AKAP12: variants seen among roughly 807,000 people sequenced by gnomAD.
The protein encoded by AKAP12 is A-kinase anchoring protein 12.
In AKAP12, 32 loss-of-function variants were observed where a neutral mutation model predicts 79.9. That is an observed-to-expected ratio of 0.40 (90% CI 0.30 to 0.54). The LOEUF (loss-of-function observed/expected upper bound fraction) is 0.54. Among genes scored for constraint, AKAP12 ranks in the 20% least tolerant of loss-of-function variants. The pLI is 0.48. For missense variants in AKAP12, 2,074 were observed against 2,177.0 expected (o/e 0.95, Z 0.94); for synonymous variants, 808 against 857.0 (o/e 0.94, Z 1.00).
chr6:151,241,866 T>C (rs1051968771), intron 2 of AKAP12, among the ~76,000 whole-genome samples: 2 of 149,934 alleles, frequency 1.3e-5, no homozygotes, highest in Admixed American at 1.3e-4. Context: ...CATGACCTAA[T>C]TGCCTTGACC....
At chr6:151,302,072 G>A (rs1776873973) in intron 2 of AKAP12, among the ~76,000 whole-genome samples, 1 of 148,812 alleles carries the variant, frequency 6.7e-6, no homozygotes, top group South Asian at 2.1e-4. Flanking sequence ...GCTGGAGTGC[G>A]TGATCTCAGC....
Position 151,356,160 on chromosome 6 carries a change from A to G in AKAP12, c.*446A>G, listed in dbSNP as rs1337553929. On this transcript the variant is annotated 3_prime_UTR_variant, in exon 5 of 5. Transcript: ENST00000402676. ...CTACATGCTTTTTGTATCACACAGT[A>G]TATGATGGGGCATGTGCCATAGTGC... The G allele has an allele frequency of 6.6e-6, 1 of 152,652 alleles. No homozygotes were observed. Among genetic ancestry groups the G allele is most frequent in the African/African-American group, 2.4e-5 (1 of 41,442 alleles). 9.5% of individuals were successfully genotyped at this position (152,652 alleles called of 1,614,324 possible). A position where few individuals can be genotyped will look rare whatever the true frequency, so the allele number is the denominator to read the frequency against.
At chr6:151,345,851 C>G (rs1195663136) in intron 3 of AKAP12, among the ~76,000 whole-genome samples, 1 of 146,684 alleles carries the variant, frequency 6.8e-6, no homozygotes, top group Admixed American at 6.8e-5. Context: ...AAATAAATGA[C>G]ATTCGCATCC....
intron 2 of AKAP12, among the ~76,000 whole-genome samples, chr6:151,296,229 C>T (rs1199554922): frequency 6.6e-6 from 1 of 152,178 alleles, no homozygotes; most frequent in Non-Finnish European, 1.5e-5. Context: ...GAGATCACTA[C>T]AATCATGCCC....
At chr6:151,312,940 T>G (rs1451855276) in intron 3 of AKAP12, among the ~76,000 whole-genome samples, 2 of 152,014 alleles carry the variant, frequency 1.3e-5, no homozygotes, top group Non-Finnish European at 1.5e-5. Context: ...GGAACAGAGG[T>G]AGCGCTCAGC....
chr6:151,245,249 G>A (rs897110406), intron 2 of AKAP12, among the ~76,000 whole-genome samples: 3 of 150,750 alleles, frequency 2.0e-5, no homozygotes, highest in Non-Finnish European at 4.4e-5. Context: ...CCATTCATGC[G>A]AAGTTAGAAA....
At position 151,343,058 on chromosome 6, in the gene AKAP12, C is replaced by T. The variant is rs551977880; in HGVS notation, c.320-5653C>T. Among the ~76,000 whole-genome samples, 8 of 152,284 alleles carry T rather than the reference C, an allele frequency of 5.3e-5. No homozygotes were observed. In the East Asian group the frequency reaches 1.2e-3, roughly 22 times the overall value. On this transcript the variant is annotated intron_variant, in intron 3 of 4. Coordinates refer to ENST00000402676, the MANE Select transcript of AKAP12 (RefSeq NM_005100.4). ...GATTACAGGTGTGAGCCATAGTGCC[C>T]GGCCCAATAGCTGTTTTGTTCTGCC...
At chr6:151,340,634 G>A (rs1451767909) in intron 3 of AKAP12, among the ~76,000 whole-genome samples, 2 of 53,898 alleles carry the variant, frequency 3.7e-5, no homozygotes, top group Non-Finnish European at 6.4e-5. Context: ...CCTCATGGGC[G>A]AATGTGATGG....
chr6:151,330,549 A>T (rs1427415256), intron 3 of AKAP12, among the ~76,000 whole-genome samples: 5 of 152,106 alleles, frequency 3.3e-5, no homozygotes, highest in African/African-American at 1.2e-4. Flanking sequence ...AGCCGTCCTG[A>T]TGTGCCTGGG....
At chr6:151,328,244 C>T (rs1279028874) in intron 3 of AKAP12, among the ~76,000 whole-genome samples, 6 of 150,050 alleles carry the variant, frequency 4.0e-5, no homozygotes, top group Admixed American at 2.0e-4. Context: ...AGGAGAATGG[C>T]GTGAACTCGG....
intron 2 of AKAP12, among the ~76,000 whole-genome samples, chr6:151,262,164 T>G (rs1419623228): frequency 6.6e-6 from 1 of 152,116 alleles, no homozygotes; most frequent in Non-Finnish European, 1.5e-5. Flanking sequence ...TTGGTCACAC[T>G]GGTCTCAGGT....
At chr6:151,256,912 G>T (rs1018783033) in intron 2 of AKAP12, among the ~76,000 whole-genome samples, 4 of 146,754 alleles carry the variant, frequency 2.7e-5, no homozygotes, top group Non-Finnish European at 6.0e-5. Context: ...GCCTCCCAAC[G>T]TGTTGGGATT....
chr6:151,336,203 A>G (rs1777809884), intron 3 of AKAP12, among the ~76,000 whole-genome samples: 1 of 152,170 alleles, frequency 6.6e-6, no homozygotes, highest in Non-Finnish European at 1.5e-5. Flanking sequence ...TGACTTTGCT[A>G]GTGTGAATAG....
intron 2 of AKAP12, among the ~76,000 whole-genome samples, chr6:151,252,325 A>G (rs1797196061): frequency 6.6e-6 from 1 of 151,662 alleles, no homozygotes; most frequent in Non-Finnish European, 1.5e-5. Flanking sequence ...CCTCTCGAGT[A>G]GCTGGGACTA....
chr6:151,346,294 C>T (rs1326494426), intron 3 of AKAP12, among the ~76,000 whole-genome samples: 1 of 152,132 alleles, frequency 6.6e-6, no homozygotes, highest in Non-Finnish European at 1.5e-5. Flanking sequence ...AAATTACAAA[C>T]CCGGAAAAAT....
At chr6:151,326,523 T>C (rs1249455986) in intron 3 of AKAP12, among the ~76,000 whole-genome samples, 1 of 149,410 alleles carries the variant, frequency 6.7e-6, no homozygotes. Flanking sequence ...AAGAAAAAAG[T>C]ATGTTTCTTT....
intron 2 of AKAP12, among the ~76,000 whole-genome samples, chr6:151,282,340 C>A (rs1317486055): frequency 6.6e-6 from 1 of 152,060 alleles, no homozygotes; most frequent in African/African-American, 2.4e-5. Context: ...GATTTCCTGA[C>A]CTCAGGTGAT....
In AKAP12 at chr6:151,350,081, G is replaced by A. The variant is rs756351025; in HGVS notation, c.1690G>A (p.Glu564Lys). 80 of 1,614,004 alleles carry A rather than the reference G, an allele frequency of 5.0e-5. No individual in the cohort carries two copies. Among genetic ancestry groups the A allele is most frequent in the Middle Eastern group, 1.6e-4 (1 of 6,076 alleles). ...SPDSQEEQKG[E>K]SSASSPEEPE... The stretch of plus-strand genomic sequence containing the variant: ...GGACAGCCAGGAGGAGCAAAAGGGC[G>A]AGAGCTCTGCCTCATCCCCTGAGGA... Residue 564 changes from glutamate (E) to lysine (K), a missense_variant, in exon 4 of 5, where the codon GAG becomes AAG. Glu to Lys is a moderately conservative substitution (Grantham distance 56). Transcript: ENST00000402676. The surrounding 1 kb of genome is among the most constrained non-coding windows in gnomAD (Gnocchi z 4.8).
chr6:151,355,119 C>T (rs1778409678), intron 4 of AKAP12, among the ~76,000 whole-genome samples: 1 of 151,974 alleles, frequency 6.6e-6, no homozygotes, highest in South Asian at 2.1e-4. Flanking sequence ...CCTCAGCCTC[C>T]TGAGTAGCTG....
Sources: allele counts gnomAD v4.1 joint callset (sites outside exome capture counted in the v4.1 genomes callset), GRCh38; gene constraint gnomAD v4.1.1; non-coding constraint Gnocchi (gnomAD v3.1); transcripts MANE v1.5; gene names NCBI Gene and HGNC (gene_info 2026-07-23, HGNC 2026-07-21).